The following FOCAD variants were observed in gnomAD, a reference collection of about 807,000 sequenced individuals.
The protein encoded by FOCAD is focadhesin.
A neutral mutation model predicts 225.6 loss-of-function variants in FOCAD; 198 were observed. That is an observed-to-expected ratio of 0.88 (90% CI 0.78 to 0.99). The LOEUF (loss-of-function observed/expected upper bound fraction) is 0.99, where lower values mean the gene tolerates loss of function less well. Ranked by LOEUF, FOCAD falls within the 50% of genes least tolerant of loss-of-function variation. FOCAD has a pLI of 0.00. For synonymous variants in FOCAD, 897 were observed against 755.0 expected (o/e 1.19, Z -3.08); for missense variants, 2,713 against 2,123.6 (o/e 1.28, Z -5.46).
Position 20,916,927 on chromosome 9 carries a change from G to A in FOCAD, c.2842G>A (p.Ala948Thr). 6.2e-7 allele frequency: 1 copy of A among 1,602,798 alleles called. No individual in the cohort carries two copies. Among genetic ancestry groups the A allele is most frequent in the Non-Finnish European group, 8.5e-7 (1 of 1,175,720 alleles). The change falls in exon 24 of 44, where the codon GCA (alanine) becomes ACA (threonine). Residue 948 changes from alanine (A) to threonine (T), a missense_variant. By Grantham distance (58) the Ala-to-Thr change is moderately conservative. Transcript: ENST00000338382. ...RDMLTDEITK[A>T]AAKESPVVKG... The stretch of plus-strand genomic sequence containing the variant: ...CATGCTGACTGATGAGATCACCAAG[G>A]CAGCTGCAAAGTAAGATCCATTTAG...
chr9:20,824,161 G>A (rs780703385), intron 15 of FOCAD, among the ~76,000 whole-genome samples: 3 of 152,108 alleles, frequency 2.0e-5, no homozygotes, highest in South Asian at 4.1e-4. Flanking sequence ...ATTATAGCAG[G>A]AGAATACCAC....
At chr9:20,661,479 A>G (rs1821721726) in intron 2 of FOCAD, among the ~76,000 whole-genome samples, 1 of 152,102 alleles carries the variant, frequency 6.6e-6, no homozygotes, top group Admixed American at 6.5e-5. Flanking sequence ...GAGGGAATTT[A>G]AATGGTTGGG....
intron 35 of FOCAD, among the ~76,000 whole-genome samples, chr9:20,970,704 C>A (rs973216165): frequency 2.0e-5 from 3 of 151,958 alleles, no homozygotes; most frequent in Admixed American, 6.6e-5. Context: ...GGGACATTTT[C>A]TGTTAATTTC....
chr9:20,729,172 C>T (rs1374979560), intron 4 of FOCAD, among the ~76,000 whole-genome samples: 1 of 152,174 alleles, frequency 6.6e-6, no homozygotes, highest in Non-Finnish European at 1.5e-5. Context: ...TTTATTATTT[C>T]ATGATTTCAT....
chr9:20,727,484 T>C (rs1449389138), intron 4 of FOCAD, among the ~76,000 whole-genome samples: 2 of 152,220 alleles, frequency 1.3e-5, no homozygotes, highest in Non-Finnish European at 2.9e-5. Flanking sequence ...CACAGAACTT[T>C]GTTAGGCAAA....
chr9:20,766,360 GA>G (rs1439431320), intron 7 of FOCAD, among the ~76,000 whole-genome samples: 1 of 152,168 alleles, frequency 6.6e-6, no homozygotes, highest in Non-Finnish European at 1.5e-5. Context: ...GTGAGGGTTG[GA>G]CGTGGTCTTA....
chr9:20,913,145 T>TACACACACACACACACACACAC (rs56856864), intron 23 of FOCAD, among the ~76,000 whole-genome samples, 191 bp downstream of exon 23: 1 of 137,252 alleles, frequency 7.3e-6, no homozygotes, highest in African/African-American at 2.7e-5. Flanking sequence ...AAATTATACA[T>TACACACACACACACACACACAC]ACACACACAC....
Position 20,929,297 on chromosome 9 carries a change from G to C in FOCAD, c.3079-61G>C. On this transcript the variant is annotated intron_variant, in intron 26 of 43. Coordinates refer to ENST00000338382, the MANE Select transcript of FOCAD (RefSeq NM_001375567.1). The stretch of plus-strand genomic sequence containing the variant: ...TTGTGTGGTTGTATAGTGCTTTTAT[G>C]ATAGGTATGCTTCCTTCATGTTTAA... 3 of 1,312,576 alleles carry C rather than the reference G, an allele frequency of 2.3e-6. No individual in the cohort carries two copies. In the East Asian group the frequency reaches 6.9e-5, roughly 30 times the overall value. The allele number at this position is 1,312,576 out of a possible 1,614,324, so 81.3% of individuals were successfully genotyped here.
At chr9:20,664,532 G>A (rs535776067) in intron 2 of FOCAD, among the ~76,000 whole-genome samples, 1 of 151,792 alleles carries the variant, frequency 6.6e-6, no homozygotes, top group Admixed American at 6.6e-5. Context: ...AGAGGAATAA[G>A]GCAAATAAGC....
intron 26 of FOCAD, among the ~76,000 whole-genome samples, chr9:20,927,125 T>G (rs1835031668): frequency 6.6e-6 from 1 of 152,050 alleles, no homozygotes; most frequent in Non-Finnish European, 1.5e-5. Flanking sequence ...GCTCTCTCAG[T>G]TATTCTAATG....
At chr9:20,703,067 G>T (rs1320936669) in intron 1 of FOCAD, among the ~76,000 whole-genome samples, 1 of 151,930 alleles carries the variant, frequency 6.6e-6, no homozygotes, top group Non-Finnish European at 1.5e-5. Flanking sequence ...GGAGGTGGGG[G>T]TGGAGTAGGG....
At chr9:20,879,119 C>G (rs1334435787) in intron 19 of FOCAD, among the ~76,000 whole-genome samples, 1 of 152,166 alleles carries the variant, frequency 6.6e-6, no homozygotes, top group East Asian at 1.9e-4. Flanking sequence ...TACCAGGTTT[C>G]TAGGTATTCC....
At chr9:20,679,125 G>GTA (rs1822322579) in intron 2 of FOCAD, among the ~76,000 whole-genome samples, 1 of 62,506 alleles carries the variant, frequency 1.6e-5, no homozygotes, top group East Asian at 3.9e-4. Context: ...CTGTGTATGT[G>GTA]TGTGTGTGTG....
chr9:20,814,265 C>T (rs1823403990), intron 11 of FOCAD, among the ~76,000 whole-genome samples: 1 of 151,406 alleles, frequency 6.6e-6, no homozygotes, highest in Admixed American at 6.6e-5. Flanking sequence ...TTTTTTTGGT[C>T]CCTTGTTTCT....
upstream of FOCAD, among the ~76,000 whole-genome samples, chr9:20,681,686 T>C (rs1200046930): frequency 6.6e-6 from 1 of 152,210 alleles, no homozygotes; most frequent in East Asian, 1.9e-4. Context: ...GTCTTTCATC[T>C]TGGTATCTCC....
chr9:20,817,846 T>C (rs1823893376), intron 11 of FOCAD, among the ~76,000 whole-genome samples: 1 of 152,212 alleles, frequency 6.6e-6, no homozygotes, highest in Non-Finnish European at 1.5e-5. Flanking sequence ...TTTCTGAAAA[T>C]TCATTTACAA....
At chr9:20,920,444 C>A (rs113187118) in intron 24 of FOCAD, among the ~76,000 whole-genome samples, 113,263 of 113,512 alleles carry the variant, frequency 1, 56,507 homozygotes, top group Middle Eastern at 1. Context: ...ACCATTTGAC[C>A]CAGCCATCCC....
At chr9:20,785,454 C>G (rs949917920) in intron 10 of FOCAD, among the ~76,000 whole-genome samples, 8 of 152,112 alleles carry the variant, frequency 5.3e-5, no homozygotes, top group African/African-American at 1.9e-4. Context: ...CTTGTAGTCT[C>G]TATATGGATT....
At chr9:20,763,403 CTAT>C (rs1563959934) in intron 6 of FOCAD, among the ~76,000 whole-genome samples, 1 of 152,112 alleles carries the variant, frequency 6.6e-6, no homozygotes, top group East Asian at 1.9e-4. Context: ...CTGAAGTGCA[CTAT>C]TATTGTGCCT....
Sources: gnomAD v4.1 joint callset for allele counts (sites outside exome capture counted in the v4.1 genomes callset) on GRCh38, gnomAD v4.1.1 for gene constraint, MANE v1.5 for transcripts, NCBI Gene and HGNC (gene_info 2026-07-23, HGNC 2026-07-21) for gene names.